HDX: variants seen among roughly 807,000 people sequenced by gnomAD.
The protein encoded by HDX is chromosome X open reading frame 43.
A neutral mutation model predicts 45.2 loss-of-function variants in HDX; 19 were observed. The ratio of observed to expected loss-of-function variants is 0.42; its 90% CI spans 0.29 to 0.62. The LOEUF is 0.62. Ranked by LOEUF, HDX falls within the 20% of genes least tolerant of loss-of-function variation. HDX has a pLI of 0.20. For missense variants in HDX, 532 were observed against 493.9 expected (o/e 1.08, Z -0.73); for synonymous variants, 188 against 172.8 (o/e 1.09, Z -0.69).
chrX:84,430,479 A>G (rs185945087), intron 5 of HDX, among the ~76,000 whole-genome samples: 53 of 111,175 alleles, frequency 4.8e-4, no homozygotes, highest in Middle Eastern at 9.1e-3. Flanking sequence ...TGCAATAAAC[A>G]TATTGGTGCA....
At chrX:84,478,137 C>T (rs1230557480) in intron 2 of HDX, among the ~76,000 whole-genome samples, 1 of 111,885 alleles carries the variant, frequency 8.9e-6, no homozygotes, top group Non-Finnish European at 1.9e-5. Context: ...AGTTGTAAAG[C>T]ATGTAGTTGT....
At chrX:84,360,031 T>C (rs936450187) in intron 6 of HDX, among the ~76,000 whole-genome samples, 1 of 111,786 alleles carries the variant, frequency 8.9e-6, no homozygotes, top group African/African-American at 3.3e-5. Flanking sequence ...AATATACCCA[T>C]CTGACTAAGG....
chrX:84,337,763 A>T (rs1210163956), intron 7 of HDX, among the ~76,000 whole-genome samples: 1 of 111,507 alleles, frequency 9.0e-6, no homozygotes, highest in Non-Finnish European at 1.9e-5. Flanking sequence ...CCCTTTTCTG[A>T]TCAAAATTCA....
chrX:84,429,044 T>C (rs1602438629), intron 5 of HDX, among the ~76,000 whole-genome samples: 1 of 110,916 alleles, frequency 9.0e-6, no homozygotes, highest in East Asian at 2.8e-4. Context: ...ATTTCACTGA[T>C]TTATTCATCT....
chrX:84,321,744 T>C lies in HDX; in HGVS notation c.*145A>G, dbSNP rs1231565591. On this transcript the variant is annotated 3_prime_UTR_variant, in exon 11 of 11. Coordinates refer to ENST00000373177, the MANE Select transcript of HDX (RefSeq NM_001177479.2). ...TTTTTGTTGCACTGTAGCCATTATATCTTGTACATTCTTCACAGAATACGT... is the reference window on the plus strand; with the variant it reads ...TTTTTGTTGCACTGTAGCCATTATACCTTGTACATTCTTCACAGAATACGT... The C allele has an allele frequency of 2.6e-6, 1 of 380,857 alleles. No homozygotes were observed. Among genetic ancestry groups the C allele is most frequent in the African/African-American group, 2.6e-5 (1 of 37,908 alleles). 31.4% of individuals were successfully genotyped at this position (380,857 alleles called of 1,213,427 possible).
chrX:84,386,686 C>T (rs191711942), intron 5 of HDX, among the ~76,000 whole-genome samples: 11,893 of 110,815 alleles, frequency 0.11, 610 homozygotes, highest in East Asian at 0.26. Flanking sequence ...TCTGTGGGAT[C>T]AGTTGTAATG....
chrX:84,322,966 AC>A (rs773636154), intron 10 of HDX, among the ~76,000 whole-genome samples: 9 of 110,956 alleles, frequency 8.1e-5, no homozygotes, highest in Non-Finnish European at 1.5e-4. Context: ...AAAGCTTGTC[AC>A]TAGCCAATTA....
intron 4 of HDX, among the ~76,000 whole-genome samples, chrX:84,468,198 C>T (rs1344106984): frequency 9.0e-6 from 1 of 111,624 alleles, no homozygotes; most frequent in Non-Finnish European, 1.9e-5. Context: ...TTCCATGCTA[C>T]CCATTAAGCT....
At chrX:84,437,352 T>TG (rs1456714789) in intron 5 of HDX, among the ~76,000 whole-genome samples, 1 of 110,610 alleles carries the variant, frequency 9.0e-6, no homozygotes, top group East Asian at 2.9e-4. Context: ...AGTCTGGACT[T>TG]GAACTACTGG....
intron 5 of HDX, among the ~76,000 whole-genome samples, chrX:84,424,401 T>G (rs1034011393): frequency 9.1e-6 from 1 of 110,225 alleles, no homozygotes; most frequent in Non-Finnish European, 1.9e-5. Context: ...GCAATAAAGA[T>G]TCAATGCGAT....
chrX:84,442,219 T>A (rs2039775725), intron 4 of HDX, among the ~76,000 whole-genome samples: 1 of 111,381 alleles, frequency 9.0e-6, no homozygotes, highest in African/African-American at 3.2e-5. Context: ...GAACAAGGCA[T>A]TCAATAAAAT....
intron 5 of HDX, among the ~76,000 whole-genome samples, chrX:84,411,725 T>G (rs2038990336): frequency 9.0e-6 from 1 of 111,182 alleles, no homozygotes; most frequent in Non-Finnish European, 1.9e-5. Context: ...CTTCATTAGT[T>G]TTTGGCCTCA....
At chrX:84,396,280 G>T (rs1333891423) in intron 5 of HDX, among the ~76,000 whole-genome samples, 2 of 112,115 alleles carry the variant, frequency 1.8e-5, no homozygotes, top group East Asian at 5.6e-4. Context: ...TTGATTCTGG[G>T]TGCATGCAGT....
At chrX:84,420,651 C>G (rs185326316) in intron 5 of HDX, among the ~76,000 whole-genome samples, 1 of 111,120 alleles carries the variant, frequency 9.0e-6, no homozygotes, top group African/African-American at 3.3e-5. Context: ...TTATAGAATA[C>G]CAAGCATATT....
chrX:84,459,793 C>T (rs975610560), intron 4 of HDX, among the ~76,000 whole-genome samples: 8 of 110,917 alleles, frequency 7.2e-5, no homozygotes, highest in Admixed American at 1.9e-4. Flanking sequence ...AAACCTTTAG[C>T]GAGACTGTGG....
At chrX:84,494,029 T>TA (rs1172487442) in intron 1 of HDX, among the ~76,000 whole-genome samples, 4 of 110,473 alleles carry the variant, frequency 3.6e-5, no homozygotes, top group South Asian at 3.8e-4. Flanking sequence ...TTAAAAATAC[T>TA]AAAAAAAAGT....
chrX:84,496,295 T>C (rs10218146), intron 1 of HDX, among the ~76,000 whole-genome samples: 4,839 of 111,965 alleles, frequency 0.043, 256 homozygotes, highest in African/African-American at 0.15. Context: ...TTTGTTTCTA[T>C]GACCACCAGC....
At position 84,321,603 on chromosome X, in the gene HDX, A is replaced by T; in HGVS notation, c.*286T>A. On this transcript the variant is annotated 3_prime_UTR_variant, in exon 11 of 11. Transcript: ENST00000373177. ...TTTAGTTATTTTGTCTCTGGTTAGA[A>T]ATTAGACATAATGAATTTCAGGGTT... is the stretch of plus-strand genomic sequence containing the variant. 1 of 147,554 alleles carries T rather than the reference A, an allele frequency of 6.8e-6. No individual in the cohort carries two copies. Among genetic ancestry groups the T allele is most frequent in the East Asian group, 1.6e-4 (1 of 6,408 alleles). 12.2% of individuals were successfully genotyped at this position (147,554 alleles called of 1,213,427 possible).
chrX:84,429,471 T>A (rs1313571403), intron 5 of HDX, among the ~76,000 whole-genome samples: 1 of 111,154 alleles, frequency 9.0e-6, no homozygotes, highest in Non-Finnish European at 1.9e-5. Context: ...CAATTTCTGA[T>A]TATTTTTTGG....
Sources: gnomAD v4.1 joint callset for allele counts (sites outside exome capture counted in the v4.1 genomes callset) on GRCh38, gnomAD v4.1.1 for gene constraint, MANE v1.5 for transcripts, NCBI Gene and HGNC (gene_info 2026-07-23, HGNC 2026-07-21) for gene names.